PLEKHG1: variants seen among roughly 807,000 people sequenced by gnomAD.
The protein encoded by PLEKHG1 is pleckstrin homology and RhoGEF domain containing G1.
A neutral mutation model predicts 100.8 loss-of-function variants in PLEKHG1; 44 were observed. The ratio of observed to expected loss-of-function variants is 0.44; its 90% CI spans 0.34 to 0.56. The LOEUF (loss-of-function observed/expected upper bound fraction) is 0.56, where lower values mean the gene tolerates loss of function less well. PLEKHG1 is among the 20% of genes least tolerant of loss of function. The probability of loss-of-function intolerance (pLI) is 0.01; values close to 1 mark genes in which losing one functional copy is unlikely to be tolerated. For missense variants in PLEKHG1, 1,545 were observed against 1,720.9 expected, an observed-to-expected ratio of 0.90 and a Z score of 1.81; for synonymous variants, 640 against 662.5, an observed-to-expected ratio of 0.97 and a Z score of 0.52.
At chr6:150,772,849 C>T (rs2128642365) in intron 3 of PLEKHG1, among the ~76,000 whole-genome samples, 1 of 152,240 alleles carries the variant, frequency 6.6e-6, no homozygotes, top group South Asian at 2.1e-4. Flanking sequence ...TGGCTCATAT[C>T]CATTGCCCAT....
At chr6:150,773,558 G>A (rs553211035) in intron 3 of PLEKHG1, among the ~76,000 whole-genome samples, 289 of 152,242 alleles carry the variant, frequency 1.9e-3, no homozygotes, top group Admixed American at 2.5e-3. Context: ...AAAATAACAA[G>A]ACTTACACGG....
intron 1 of PLEKHG1, among the ~76,000 whole-genome samples, chr6:150,614,939 G>C (rs1777003747): frequency 6.6e-6 from 1 of 152,154 alleles, no homozygotes; most frequent in African/African-American, 2.4e-5. Flanking sequence ...CTATCCTGTA[G>C]GTCTGGAGGA....
intron 1 of PLEKHG1, among the ~76,000 whole-genome samples, chr6:150,612,762 C>T (rs73619644): frequency 0.025 from 3,814 of 152,182 alleles, 133 homozygotes; most frequent in African/African-American, 0.085. Flanking sequence ...ACCTCAGGTC[C>T]AATCCATAGA....
exon 16 of PLEKHG1, chr6:150,841,563 C>T (rs113344267): frequency 6.6e-6 from 1 of 152,560 alleles, no homozygotes; most frequent in African/African-American, 2.4e-5. Context: ...GCCTAGAGAA[C>T]GAGCTGCTCA....
rs113187050 is a variant in PLEKHG1, at chr6:150,780,967, G to A, written c.513-5423G>A. 1.1e-3 allele frequency among the ~76,000 whole-genome samples: 169 copies of A among 151,684 alleles called. 3 individuals are homozygous for A. Among genetic ancestry groups the A allele is most frequent in the East Asian group, 6.4e-3 (32 of 5,036 alleles). ...CAGCTCACTGCAACCTCTTCCTCCCGGGTTCAAGCAATTCTCCTGCCTCAG... is the reference window on the plus strand; with the variant it reads ...CAGCTCACTGCAACCTCTTCCTCCCAGGTTCAAGCAATTCTCCTGCCTCAG... On this transcript the variant is annotated intron_variant, in intron 3 of 15. Transcript: ENST00000358517.
Position 150,795,958 on chromosome 6 carries a change from T to A in PLEKHG1, c.629+56T>A, listed in dbSNP as rs373880488. The A allele has an allele frequency of 8.0e-6, 9 of 1,120,182 alleles. No individual in the cohort carries two copies. In the African/African-American group the frequency reaches 1.4e-4, roughly 17 times the overall value. The allele number at this position is 1,120,182 out of a possible 1,614,324, so 69.4% of individuals were successfully genotyped here. On this transcript the variant is annotated intron_variant, in intron 5 of 15. Coordinates refer to ENST00000358517, the Ensembl canonical transcript of PLEKHG1. ...TTGTTCACTTTCACATTGTTTCAAGTCAGCTGGTGCAGTACACATGGTTGT... is the reference window on the plus strand; with the variant it reads ...TTGTTCACTTTCACATTGTTTCAAGACAGCTGGTGCAGTACACATGGTTGT...
At chr6:150,818,819 G>T (rs112195232) in intron 11 of PLEKHG1, among the ~76,000 whole-genome samples, 2 of 152,306 alleles carry the variant, frequency 1.3e-5, no homozygotes, top group African/African-American at 4.8e-5. Flanking sequence ...ATGCAGTCAG[G>T]TCTGCTGGAA....
At chr6:150,808,178 C>T (rs947352170) in intron 7 of PLEKHG1, among the ~76,000 whole-genome samples, 2 of 152,058 alleles carry the variant, frequency 1.3e-5, no homozygotes, top group Admixed American at 1.3e-4. Flanking sequence ...TCACGTACCC[C>T]ATAAATATAT....
At chr6:150,724,334 G>A (rs1249760353) in intron 1 of PLEKHG1, among the ~76,000 whole-genome samples, 2 of 152,216 alleles carry the variant, frequency 1.3e-5, no homozygotes, top group African/African-American at 4.8e-5. Context: ...AATGTGCTCA[G>A]TGAAAACTCC....
intron 1 of PLEKHG1, among the ~76,000 whole-genome samples, chr6:150,721,671 A>G (rs958615100): frequency 6.6e-6 from 1 of 152,208 alleles, no homozygotes; most frequent in African/African-American, 2.4e-5. Context: ...GATGAAGTTT[A>G]GTCTGAGTCT....
rs571645643 is a variant in PLEKHG1, at chr6:150,721,300, G to A, written c.-99+100G>A. 3.8e-5 allele frequency: 12 copies of A among 313,830 alleles called. No individual in the cohort carries two copies. In the East Asian group the frequency reaches 6.8e-4, roughly 18 times the overall value. The allele number at this position is 313,830 out of a possible 1,614,324, so 19.4% of individuals were successfully genotyped here. ...AGGTCCACCGAGGTGAGAAGGGGTCGCAGGGGGGGCTTTCTTCACAAGTGT... is the reference window on the plus strand; with the variant it reads ...AGGTCCACCGAGGTGAGAAGGGGTCACAGGGGGGGCTTTCTTCACAAGTGT... On this transcript the variant is annotated intron_variant, in intron 1 of 15. Coordinates refer to ENST00000358517, the Ensembl canonical transcript of PLEKHG1.
At chr6:150,810,245 A>G (rs1787412424) in intron 10 of PLEKHG1, among the ~76,000 whole-genome samples, 1 of 150,452 alleles carries the variant, frequency 6.6e-6, no homozygotes, top group African/African-American at 2.4e-5. Context: ...GGTTGCAGTG[A>G]GCTGAGATTG....
chr6:150,800,554 C>A (rs532592772), intron 5 of PLEKHG1, among the ~76,000 whole-genome samples, 165 bp from the exon 7 acceptor site: 1 of 152,286 alleles, frequency 6.6e-6, no homozygotes, highest in East Asian at 1.9e-4. Flanking sequence ...ATTCACCCTC[C>A]CAGAGGGAAC....
chr6:150,784,525 A>G (rs1785493693), intron 3 of PLEKHG1, among the ~76,000 whole-genome samples: 1 of 152,242 alleles, frequency 6.6e-6, no homozygotes, highest in Non-Finnish European at 1.5e-5. Flanking sequence ...CGATTTTGTA[A>G]TCTCCCAAAG....
intron 2 of PLEKHG1, among the ~76,000 whole-genome samples, chr6:150,751,786 C>T (rs1195426183): frequency 6.6e-6 from 1 of 152,140 alleles, no homozygotes; most frequent in South Asian, 2.1e-4. Flanking sequence ...CACCTTGATC[C>T]TCTTGGTAGT....
chr6:150,734,851 C>G (rs1782477849), intron 2 of PLEKHG1, among the ~76,000 whole-genome samples: 2 of 152,098 alleles, frequency 1.3e-5, no homozygotes, highest in African/African-American at 4.8e-5. Flanking sequence ...AGGTCACATC[C>G]TCTGGAAATT....
chr6:150,810,838 T>C (rs961336581), intron 10 of PLEKHG1, among the ~76,000 whole-genome samples: 3 of 151,892 alleles, frequency 2.0e-5, no homozygotes, highest in Non-Finnish European at 4.4e-5. Flanking sequence ...GGAGAATCGC[T>C]TGAACCCAGG....
At chr6:150,650,807 T>G (rs1778698966) in intron 3 of PLEKHG1, 21 bp downstream of exon 2, 1 of 152,264 alleles carries the variant, frequency 6.6e-6, no homozygotes, top group Non-Finnish European at 1.5e-5. Flanking sequence ...TTCATTTTTT[T>G]GCCCCTTGAG....
chr6:150,805,729 G>C lies in PLEKHG1; in HGVS notation c.912+988G>C, dbSNP rs146787662. Among the ~76,000 whole-genome samples the C allele has an allele frequency of 4.1e-3, 624 of 152,104 alleles. 6 individuals carry two copies. Among genetic ancestry groups the C allele is most frequent in the African/African-American group, 0.014 (585 of 41,484 alleles). On this transcript the variant is annotated intron_variant, in intron 7 of 15. Coordinates refer to ENST00000358517, the Ensembl canonical transcript of PLEKHG1. ...TTTAGTAGAGACGGGGTTTCACCAG[G>C]TTGGCCAGGCTTGTCTTGAACTCCT...
Sources: gnomAD v4.1 joint callset for allele counts (sites outside exome capture counted in the v4.1 genomes callset) on GRCh38, gnomAD v4.1.1 for gene constraint, MANE v1.5 for transcripts, NCBI Gene and HGNC (gene_info 2026-07-23, HGNC 2026-07-21) for gene names.